Variants in FUT9 observed in about 807,000 individuals in gnomAD.
FUT9 encodes 4-galactosyl-N-acetylglucosaminide 3-alpha-L-fucosyltransferase 9.
Under a neutral mutation model 29.7 loss-of-function variants are expected in FUT9, and 15 were observed. That is an observed-to-expected ratio of 0.51 (90% CI 0.34 to 0.78). The LOEUF (loss-of-function observed/expected upper bound fraction) is 0.78, where lower values mean the gene tolerates loss of function less well. Ranked by LOEUF, FUT9 falls within the 30% of genes least tolerant of loss-of-function variation. The probability of loss-of-function intolerance (pLI) is 0.01; values close to 1 mark genes in which losing one functional copy is unlikely to be tolerated. For missense variants in FUT9, 319 were observed against 425.4 expected (o/e 0.75, Z 2.20); for synonymous variants, 169 against 153.7 (o/e 1.10, Z -0.74).
intron 2 of FUT9, among the ~76,000 whole-genome samples, chr6:96,138,568 C>T (rs1334936696): frequency 6.6e-6 from 1 of 151,342 alleles, no homozygotes; most frequent in Non-Finnish European, 1.5e-5. Flanking sequence ...AGAGCAAAAG[C>T]TCTTAGCACA....
intron 1 of FUT9, among the ~76,000 whole-genome samples, chr6:96,060,428 T>C (rs1195087899): frequency 1.3e-5 from 2 of 152,108 alleles, no homozygotes; most frequent in South Asian, 2.1e-4. Context: ...TCCAACATCA[T>C]TGACATAATA....
At chr6:96,072,485 G>A (rs923348125) in intron 1 of FUT9, among the ~76,000 whole-genome samples, 10 of 151,964 alleles carry the variant, frequency 6.6e-5, no homozygotes, top group South Asian at 6.2e-4. Context: ...CTCACTTGTC[G>A]GAATCTTTAA....
chr6:96,200,419 T>TG (rs1383321763), intron 2 of FUT9, among the ~76,000 whole-genome samples: 2 of 152,118 alleles, frequency 1.3e-5, no homozygotes, highest in Admixed American at 6.6e-5. Flanking sequence ...GTGGTTAAGC[T>TG]GGTTACTTGT....
chr6:96,095,677 A>G (rs770092127), intron 1 of FUT9, among the ~76,000 whole-genome samples: 4 of 151,854 alleles, frequency 2.6e-5, no homozygotes, highest in Non-Finnish European at 4.4e-5. Context: ...TACAATTTCT[A>G]TATGTTGTCC....
intron 2 of FUT9, among the ~76,000 whole-genome samples, chr6:96,134,655 C>A (rs755555414): frequency 7.3e-5 from 11 of 151,626 alleles, no homozygotes; most frequent in Non-Finnish European, 1.0e-4. Context: ...TTACAATAAT[C>A]CCACGAAACA....
At chr6:96,192,751 C>A (rs1246901924) in intron 2 of FUT9, among the ~76,000 whole-genome samples, 1 of 152,018 alleles carries the variant, frequency 6.6e-6, no homozygotes, top group African/African-American at 2.4e-5. Flanking sequence ...CCAAGTCAAT[C>A]CTAAGCCAAA....
intron 2 of FUT9, among the ~76,000 whole-genome samples, chr6:96,193,323 C>G: frequency 7.3e-6 from 1 of 137,350 alleles, no homozygotes; most frequent in Non-Finnish European, 1.6e-5. Context: ...GGCTAATATC[C>G]AGAATCTACA....
At position 96,206,174 on chromosome 6, in the gene FUT9, C is replaced by T. The variant is rs1023146838; in HGVS notation, c.*1939C>T. Reference sequence around the variant, plus strand: ...GGGGAAAAAAAGTAGAAAATTTCCCCAATTGCTTAGCTGTTTGACATGTTT... The same window carrying T: ...GGGGAAAAAAAGTAGAAAATTTCCCTAATTGCTTAGCTGTTTGACATGTTT... On this transcript the variant is annotated 3_prime_UTR_variant, in exon 3 of 3. Coordinates refer to ENST00000302103, the MANE Select transcript of FUT9 (RefSeq NM_006581.4). The T allele has an allele frequency of 7.8e-5, 13 of 167,010 alleles. No individual in the cohort carries two copies. Among genetic ancestry groups the T allele is most frequent in the African/African-American group, 2.9e-4 (12 of 41,424 alleles). The allele number at this position is 167,010 out of a possible 1,614,324, so 10.3% of individuals were successfully genotyped here.
chr6:96,097,119 A>G (rs996820188), intron 1 of FUT9, among the ~76,000 whole-genome samples: 3 of 152,232 alleles, frequency 2.0e-5, no homozygotes, highest in African/African-American at 7.2e-5. Context: ...ACAGGTCAGC[A>G]TCTAGGCTAC....
chr6:96,043,745 C>T (rs1039759088), intron 1 of FUT9, among the ~76,000 whole-genome samples: 1 of 152,114 alleles, frequency 6.6e-6, no homozygotes, highest in Admixed American at 6.5e-5. Context: ...TTTGTAATCT[C>T]GAAGGACGTA....
intron 2 of FUT9, among the ~76,000 whole-genome samples, chr6:96,125,960 C>T (rs1021957418): frequency 2.0e-5 from 3 of 152,162 alleles, no homozygotes; most frequent in Admixed American, 6.5e-5. Flanking sequence ...AACACATGCA[C>T]ACAATATTTA....
intron 1 of FUT9, among the ~76,000 whole-genome samples, chr6:96,093,560 ATAAAT>A (rs1771448856): frequency 6.6e-6 from 1 of 152,150 alleles, no homozygotes; most frequent in Admixed American, 6.6e-5. Flanking sequence ...TGAAGAGTTA[ATAAAT>A]TAAATTGTAT....
In FUT9 at chr6:96,207,987, C is replaced by A; in HGVS notation, c.*3752C>A. 3 of 166,614 alleles carry A rather than the reference C, an allele frequency of 1.8e-5. No homozygotes were observed. 10.3% of individuals were successfully genotyped at this position (166,614 alleles called of 1,614,324 possible). ...TGAAGTAGAAACTGAAAAAAAAAAT[C>A]ATCTTAGTGGGAAACAAATACATGC... On this transcript the variant is annotated 3_prime_UTR_variant, in exon 3 of 3. Transcript: ENST00000302103.
At chr6:96,037,942 TAGAAGTTTCC>T (rs955286125) in intron 1 of FUT9, among the ~76,000 whole-genome samples, 1 of 152,072 alleles carries the variant, frequency 6.6e-6, no homozygotes, top group African/African-American at 2.4e-5. Flanking sequence ...CTGAAGGTAT[TAGAAGTTTCC>T]AGACAAGTGA....
In FUT9 at chr6:96,207,305, A is replaced by G. The variant is rs944252902; in HGVS notation, c.*3070A>G. On this transcript the variant is annotated 3_prime_UTR_variant, in exon 3 of 3. Transcript: ENST00000302103. ...GGATTTAAGGATCCTATCTTTCTTT[A>G]TCCCACTTTCTTTTCAATCGCATTC... is the stretch of plus-strand genomic sequence containing the variant. 3.0e-5 allele frequency: 5 copies of G among 166,960 alleles called. No homozygotes were observed. Among genetic ancestry groups the G allele is most frequent in the Non-Finnish European group, 7.3e-5 (5 of 68,090 alleles). The allele number at this position is 166,960 out of a possible 1,614,324, so 10.3% of individuals were successfully genotyped here.
At chr6:96,160,408 G>A (rs1012409821) in intron 2 of FUT9, among the ~76,000 whole-genome samples, 3 of 152,116 alleles carry the variant, frequency 2.0e-5, no homozygotes, top group African/African-American at 7.2e-5. Context: ...TACTATCCAT[G>A]TTTCTATTTG....
At chr6:96,081,660 T>G in intron 1 of FUT9, among the ~76,000 whole-genome samples, 1 of 151,966 alleles carries the variant, frequency 6.6e-6, no homozygotes, top group South Asian at 2.1e-4. Context: ...CTATTGTAAG[T>G]ATGTGCGAGA....
Position 96,215,295 on chromosome 6 carries a change from C to A in FUT9, c.*11060C>A, listed in dbSNP as rs891319079. ...TAAACATGCTGTCACAACATGGATT[C>A]CTTCTCATGGATGTCTTTCTAGGCT... On this transcript the variant is annotated 3_prime_UTR_variant, in exon 3 of 3. Coordinates refer to ENST00000302103, the MANE Select transcript of FUT9 (RefSeq NM_006581.4). 1.2e-5 allele frequency: 2 copies of A among 166,984 alleles called. No homozygotes were observed. The highest frequency in any genetic ancestry group is 4.8e-5 in the African/African-American group (2 of 41,422). 10.3% of individuals were successfully genotyped at this position (166,984 alleles called of 1,614,324 possible). A position where few individuals can be genotyped will look rare whatever the true frequency, so the allele number is the denominator to read the frequency against.
At chr6:96,058,014 C>G (rs1770803907) in intron 1 of FUT9, among the ~76,000 whole-genome samples, 1 of 152,008 alleles carries the variant, frequency 6.6e-6, no homozygotes, top group Admixed American at 6.6e-5. Context: ...AAAGAAGACA[C>G]ATGATCTCAT....
Sources: gnomAD v4.1 joint callset for allele counts (sites outside exome capture counted in the v4.1 genomes callset) on GRCh38, gnomAD v4.1.1 for gene constraint, MANE v1.5 for transcripts, NCBI Gene and HGNC (gene_info 2026-07-23, HGNC 2026-07-21) for gene names.